The following MCCC1 variants were observed in gnomAD, a reference collection of about 807,000 sequenced individuals.
MCCC1 encodes the protein methylcrotonyl-CoA carboxylase subunit 1.
In MCCC1, 64 loss-of-function variants were observed where a neutral mutation model predicts 83.8. That is an observed-to-expected ratio of 0.76 (90% CI 0.62 to 0.94). MCCC1 has a LOEUF of 0.94. MCCC1 is among the 40% of genes least tolerant of loss of function. MCCC1 has a pLI of 0.00. For missense variants in MCCC1, 807 were observed against 904.7 expected (o/e 0.89, Z 1.39); for synonymous variants, 322 against 315.4 (o/e 1.02, Z -0.22).
intron 10 of MCCC1, among the ~76,000 whole-genome samples, chr3:183,043,059 G>A (rs1208994106): frequency 6.6e-6 from 1 of 152,226 alleles, no homozygotes; most frequent in Non-Finnish European, 1.5e-5. Flanking sequence ...GGAGGCCGAG[G>A]CAGGCGGATC....
chr3:183,084,592 C>T (rs1307324502), intron 4 of MCCC1, among the ~76,000 whole-genome samples: 1 of 152,132 alleles, frequency 6.6e-6, no homozygotes, highest in African/African-American at 2.4e-5. Flanking sequence ...AGAAGAGATA[C>T]ATCAATACAA....
intron 17 of MCCC1, among the ~76,000 whole-genome samples, chr3:183,018,657 C>G (rs1029653284): frequency 6.6e-5 from 10 of 150,720 alleles, no homozygotes; most frequent in Non-Finnish European, 1.5e-4. Flanking sequence ...ATTTTGAAAT[C>G]CTTTCATTTT....
chr3:183,096,545 A>G (rs1381627270), intron 1 of MCCC1, among the ~76,000 whole-genome samples: 1 of 152,210 alleles, frequency 6.6e-6, no homozygotes, highest in Non-Finnish European at 1.5e-5. Flanking sequence ...CATATTATGT[A>G]TATGACTATG....
intron 10 of MCCC1, among the ~76,000 whole-genome samples, chr3:183,042,914 T>C (rs1309711462): frequency 2.0e-5 from 3 of 152,210 alleles, no homozygotes; most frequent in Admixed American, 1.3e-4. Flanking sequence ...TACAAATCAC[T>C]CTACTATAAA....
chr3:183,024,046 T>C (rs1386997426), intron 15 of MCCC1, among the ~76,000 whole-genome samples: 1 of 151,958 alleles, frequency 6.6e-6, no homozygotes, highest in Non-Finnish European at 1.5e-5. Flanking sequence ...GGGTCGGGAG[T>C]TCGAGGCCAG....
intron 1 of MCCC1, among the ~76,000 whole-genome samples, chr3:183,113,588 T>TA (rs1374235801): frequency 5.4e-5 from 8 of 149,054 alleles, no homozygotes; most frequent in East Asian, 2.0e-4. Context: ...AAATAAAAAA[T>TA]AAAAAAAAGG....
Position 183,071,193 on chromosome 3 carries a change from A to C in MCCC1, c.639+17T>G. The stretch of plus-strand genomic sequence containing the variant: ...AGACAAGCCTGAATTGGCAAACACA[A>C]GCATGCACAATCTTACTTTTCCTCC... On this transcript the variant is annotated intron_variant, in intron 6 of 18. Transcript: ENST00000265594. The C allele has an allele frequency of 6.2e-7, 1 of 1,614,222 alleles. No homozygotes were observed. The highest frequency in any genetic ancestry group is 8.5e-7 in the Non-Finnish European group (1 of 1,180,032).
At chr3:183,089,392 GCCTATAATC>G (rs1295631104) in intron 3 of MCCC1, among the ~76,000 whole-genome samples, 1 of 152,126 alleles carries the variant, frequency 6.6e-6, no homozygotes, top group East Asian at 1.9e-4. Context: ...GGTGGCTTAT[GCCTATAATC>G]CCTATAATCC....
intron 16 of MCCC1, among the ~76,000 whole-genome samples, chr3:183,020,984 C>T (rs547427780): frequency 1.3e-5 from 2 of 152,000 alleles, no homozygotes; most frequent in East Asian, 2.0e-4. Flanking sequence ...GGAGTGAACC[C>T]GGGAGGCAGA....
chr3:183,072,293 T>C, intron 5 of MCCC1, 73 bp downstream of exon 5: 1 of 1,565,592 alleles, frequency 6.4e-7, no homozygotes, highest in Non-Finnish European at 8.8e-7. Flanking sequence ...ATTACAGGCA[T>C]AGCCACATGC....
chr3:183,089,209 A>G (rs1039318500), intron 3 of MCCC1, among the ~76,000 whole-genome samples: 12 of 152,238 alleles, frequency 7.9e-5, no homozygotes, highest in African/African-American at 2.9e-4. Flanking sequence ...GGTTTAAAGC[A>G]TTTAAGAAGA....
intron 10 of MCCC1, among the ~76,000 whole-genome samples, chr3:183,043,792 A>G (rs1247779565): frequency 2.0e-5 from 3 of 152,174 alleles, no homozygotes; most frequent in African/African-American, 7.2e-5. Flanking sequence ...AATACCCAAA[A>G]GCTTTCTCCT....
At chr3:183,098,377 G>A (rs1267980615) in intron 1 of MCCC1, 1 of 152,228 alleles carries the variant, frequency 6.6e-6, no homozygotes, top group Non-Finnish European at 1.5e-5. Flanking sequence ...TTATGTACCA[G>A]ATTGTGCTTA....
At chr3:183,078,828 G>A (rs1451436564) in intron 4 of MCCC1, among the ~76,000 whole-genome samples, 1 of 152,158 alleles carries the variant, frequency 6.6e-6, no homozygotes, top group Non-Finnish European at 1.5e-5. Context: ...GAAGTTTATT[G>A]GACTCACAGT....
rs1711547396 is a variant in MCCC1, at chr3:183,015,550, G to A, written c.2066C>T (p.Pro689Leu). ...CACTTTCTTTACTGTGCCATCCTTTGGAGACTTTATGGTATGCTGCAGAGA... is the reference window on the plus strand; with the variant it reads ...CACTTTCTTTACTGTGCCATCCTTTAGAGACTTTATGGTATGCTGCAGAGA... ...AMKMEHTIKSPKDGTVKKVFY... is the reference protein window; with the variant it reads ...AMKMEHTIKSLKDGTVKKVFY... Residue 689 changes from proline to leucine, a missense_variant, in exon 19 of 19, where the codon CCA becomes CTA. Coordinates refer to ENST00000265594, the MANE Select transcript of MCCC1 (RefSeq NM_020166.5). 4 of 1,614,102 alleles carry A rather than the reference G, an allele frequency of 2.5e-6. No individual in the cohort carries two copies. Among genetic ancestry groups the A allele is most frequent in the South Asian group, 1.1e-5 (1 of 91,080 alleles).
intron 13 of MCCC1, among the ~76,000 whole-genome samples, chr3:183,034,483 G>A (rs1003701308): frequency 4.1e-5 from 6 of 146,174 alleles, no homozygotes; most frequent in African/African-American, 1.5e-4. Context: ...AAAAACACAC[G>A]TCCTAAACTG....
At chr3:183,073,737 A>C (rs548666957) in intron 4 of MCCC1, among the ~76,000 whole-genome samples, 4 of 152,372 alleles carry the variant, frequency 2.6e-5, no homozygotes, top group Admixed American at 6.5e-5. Context: ...CCAAGAACCA[A>C]GAAACCTCAA....
chr3:183,101,708 C>T (rs1187963182), upstream of MCCC1, among the ~76,000 whole-genome samples: 1 of 152,068 alleles, frequency 6.6e-6, no homozygotes, highest in African/African-American at 2.4e-5. Context: ...TGCTCGGGTC[C>T]CATTCCACGC....
At chr3:183,084,468 C>T (rs890247280) in intron 4 of MCCC1, among the ~76,000 whole-genome samples, 1 of 152,080 alleles carries the variant, frequency 6.6e-6, no homozygotes, top group East Asian at 1.9e-4. Context: ...ATCTCCTTAC[C>T]CTCCTAAGGA....
Sources: gnomAD v4.1 joint callset for allele counts (sites outside exome capture counted in the v4.1 genomes callset) on GRCh38, gnomAD v4.1.1 for gene constraint, MANE v1.5 for transcripts, NCBI Gene and HGNC (gene_info 2026-07-23, HGNC 2026-07-21) for gene names.